Variants in MRPL46 observed in about 807,000 individuals in gnomAD.
MRPL46 encodes the protein mitochondrial ribosomal protein L46.
Under a neutral mutation model 31.0 loss-of-function variants are expected in MRPL46, and 26 were observed. The ratio of observed to expected loss-of-function variants is 0.84; its 90% CI spans 0.61 to 1.16. The LOEUF (loss-of-function observed/expected upper bound fraction) is 1.16, where lower values mean the gene tolerates loss of function less well. MRPL46 is among the 50% of genes most tolerant of loss of function. MRPL46 has a pLI of 0.00. For synonymous variants in MRPL46, 159 were observed against 141.3 expected (o/e 1.13, Z -0.89); for missense variants, 395 against 340.0 (o/e 1.16, Z -1.27).
chr15:88,466,363 C>T (rs2055533211), intron 1 of MRPL46, among the ~76,000 whole-genome samples: 1 of 152,192 alleles, frequency 6.6e-6, no homozygotes. Context: ...CTTAACAACA[C>T]TTATCAGGGT....
intron 3 of MRPL46, 179 bp from the exon 4 acceptor site, chr15:88,460,042 C>T (rs376337863): frequency 5.5e-6 from 4 of 724,730 alleles, no homozygotes; most frequent in East Asian, 2.8e-5. Context: ...ATCCAAATGC[C>T]TCCTGGCCCA....
Position 88,464,607 on chromosome 15 carries a change from C to A in MRPL46, c.589+96G>T, listed in dbSNP as rs1476431521. The A allele has an allele frequency of 1.9e-5, 18 of 953,236 alleles. 1 individual carries two copies. Among genetic ancestry groups the A allele is most frequent in the East Asian group, 8.1e-5 (2 of 24,796 alleles). 59.0% of individuals were successfully genotyped at this position (953,236 alleles called of 1,614,324 possible). On this transcript the variant is annotated intron_variant, in intron 3 of 3. Coordinates refer to ENST00000312475, the MANE Select transcript of MRPL46 (RefSeq NM_022163.4). ...TTCAAAATTTCCATTAACCTTCCCA[C>A]CCCCACCCTTAATCCAATTCCCCAG...
chr15:88,462,481 A>G (rs928508566), intron 3 of MRPL46: 2 of 152,268 alleles, frequency 1.3e-5, no homozygotes, highest in African/African-American at 4.8e-5. Context: ...TCTCACTAGC[A>G]AACAGGAAAA....
rs1278602484 is a variant in MRPL46, at chr15:88,459,873, G to T, written c.590-10C>A. ...GCTTCCATGTTGTTTTCTGAAGAGG[G>T]AGGAAAGAAAAATCACAATTGGAAG... On this transcript the variant is annotated splice_polypyrimidine_tract_variant and intron_variant, in intron 3 of 3. Coordinates refer to ENST00000312475, the MANE Select transcript of MRPL46 (RefSeq NM_022163.4). 1 of 1,613,480 alleles carries T rather than the reference G, an allele frequency of 6.2e-7. No homozygotes were observed. Among genetic ancestry groups the T allele is most frequent in the South Asian group, 1.1e-5 (1 of 91,026 alleles).
chr15:88,460,691 T>C (rs1567039396), intron 3 of MRPL46: 1 of 152,238 alleles, frequency 6.6e-6, no homozygotes, highest in African/African-American at 2.4e-5. Context: ...AATTTATTCA[T>C]TCTGGATGGT....
rs1299082697 is a variant in MRPL46 at position 88,463,572 on chromosome 15, C to CG, written c.589+1130dup. ...GGAATAAGGACACACACCAGTGCTA[C>CG]GGGAGCCTAGAGAGAGGAGTAGCTC... On this transcript the variant is annotated intron_variant, in intron 3 of 3. Transcript: ENST00000312475. The surrounding 1 kb of genome is among the most constrained non-coding windows in gnomAD (Gnocchi z 5.4). 2 of 152,282 alleles carry CG rather than the reference C, an allele frequency of 1.3e-5. No homozygotes were observed. The highest frequency in any genetic ancestry group is 3.9e-4 in the East Asian group (2 of 5,188). The allele number at this position is 152,282 out of a possible 1,614,324, so 9.4% of individuals were successfully genotyped here.
rs760682833 is a variant in MRPL46 at position 88,467,382 on chromosome 15, C to T, written c.-5G>A. The stretch of plus-strand genomic sequence containing the variant: ...CCGCCTTACGGGCGCCGCCATCTTT[C>T]GTTCTCCCACAATGCACCGCGGCTC... On this transcript the variant is annotated 5_prime_UTR_variant, in exon 1 of 4. Coordinates refer to ENST00000312475, the MANE Select transcript of MRPL46 (RefSeq NM_022163.4). The T allele has an allele frequency of 5.8e-6, 9 of 1,561,360 alleles. No homozygotes were observed. In the South Asian group the frequency reaches 8.1e-5, roughly 14 times the overall value.
At position 88,465,715 on chromosome 15, in the gene MRPL46, T is replaced by C; in HGVS notation, c.287A>G (p.Gln96Arg). The change falls in exon 2 of 4, where the codon CAG (glutamine) becomes CGG (arginine). Residue 96 changes from glutamine (Q) to arginine (R), a missense_variant. Gln to Arg is a conservative substitution (Grantham distance 43). Transcript: ENST00000312475. ...DHELRALDEN[Q>R]RLAKKKADLH... ...GTCAGCTTTCTTCTTTGCCAGTCGC[T>C]GGTTTTCATCCAGAGCACGAAGCTC... 1 of 1,613,952 alleles carries C rather than the reference T, an allele frequency of 6.2e-7. No homozygotes were observed. Among genetic ancestry groups the C allele is most frequent in the Non-Finnish European group, 8.5e-7 (1 of 1,180,000 alleles).
At chr15:88,460,637 A>G (rs1388100922) in intron 3 of MRPL46, 1 of 152,236 alleles carries the variant, frequency 6.6e-6, no homozygotes. Context: ...TTGATACCAT[A>G]TAGATCAAAG....
Position 88,463,190 on chromosome 15 carries a change from C to A in MRPL46, c.589+1513G>T, listed in dbSNP as rs2055492605. Reference sequence around the variant, plus strand: ...CTTGATGTCTCTCCTGCAGGCCACACAGGCCCCTTGGGAGAGTCAAGGGAA... The same window carrying A: ...CTTGATGTCTCTCCTGCAGGCCACAAAGGCCCCTTGGGAGAGTCAAGGGAA... On this transcript the variant is annotated intron_variant, in intron 3 of 3. Transcript: ENST00000312475. This position sits in a 1 kb window ranked among gnomAD's most constrained non-coding sequence, Gnocchi z 5.4. 1 of 152,230 alleles carries A rather than the reference C, an allele frequency of 6.6e-6. No individual in the cohort carries two copies. The highest frequency in any genetic ancestry group is 1.5e-5 in the Non-Finnish European group (1 of 68,050). The allele number at this position is 152,230 out of a possible 1,614,324, so 9.4% of individuals were successfully genotyped here. A position where few individuals can be genotyped will look rare whatever the true frequency, so the allele number is the denominator to read the frequency against.
Position 88,467,254 on chromosome 15 carries a change from C to A in MRPL46, c.124G>T (p.Gly42Ter). Residue 42 changes from glycine (G) to a stop codon, truncating the protein, a stop_gained, in exon 1 of 4, where the codon GGA becomes TGA. Transcript: ENST00000312475. LOFTEE classifies it high-confidence loss of function. ...LALAAAPSSN[G>*]SPWRLLGALC... Reference sequence around the variant, plus strand: ...GCGCCCAACAAGCGCCATGGGGATCCGTTGCTTGAGGGTGCGGCTGCAAGA... The same window carrying A: ...GCGCCCAACAAGCGCCATGGGGATCAGTTGCTTGAGGGTGCGGCTGCAAGA... 1 of 1,614,074 alleles carries A rather than the reference C, an allele frequency of 6.2e-7. No homozygotes were observed. The highest frequency in any genetic ancestry group is 8.5e-7 in the Non-Finnish European group (1 of 1,179,992).
At chr15:88,461,662 G>A (rs2055478564) in intron 3 of MRPL46, 1 of 152,206 alleles carries the variant, frequency 6.6e-6, no homozygotes, top group Admixed American at 6.5e-5. Flanking sequence ...TAGTATAAGT[G>A]CTATTAATTG....
intron 1 of MRPL46, 75 bp downstream of exon 1, chr15:88,467,075 G>C: frequency 6.6e-7 from 1 of 1,517,522 alleles, no homozygotes. Flanking sequence ...GTATACTTAA[G>C]TTCAGAGAGG....
chr15:88,465,744 G>C lies in MRPL46; in HGVS notation c.258C>G (p.Asp86Glu). ...TTTCATCCAGAGCACGAAGCTCGTG[G>C]TCTGAATACAGGCTTCTCTCTATCT... ...QIEIERSLYSDHELRALDENQ... is the reference protein window; with the variant it reads ...QIEIERSLYSEHELRALDENQ... Residue 86 changes from aspartate to glutamate, a missense_variant, in exon 2 of 4, where the codon GAC becomes GAG. Physicochemically the swap from Asp to Glu is conservative, Grantham distance 45 (BLOSUM62 2). Transcript: ENST00000312475. 6.2e-7 allele frequency: 1 copy of C among 1,611,904 alleles called. No individual in the cohort carries two copies. The highest frequency in any genetic ancestry group is 8.5e-7 in the Non-Finnish European group (1 of 1,179,602).
At position 88,465,605 on chromosome 15, in the gene MRPL46, G is replaced by A; in HGVS notation, c.397C>T (p.Leu133Phe). 6.2e-7 allele frequency: 1 copy of A among 1,610,106 alleles called. No individual in the cohort carries two copies. Among genetic ancestry groups the A allele is most frequent in the African/African-American group, 1.3e-5 (1 of 74,698 alleles). ...TCACAACCTGTTATGCGAGCTCCAA[G>A]TTTGAACTGTAGAAATTTCTGCTCC... Reference protein sequence around the residue: ...MWEQKFLQFKLGARITEADEK... With the variant: ...MWEQKFLQFKFGARITEADEK... The change falls in exon 2 of 4, where the codon CTT becomes TTT. Residue 133 changes from leucine (L) to phenylalanine (F), a missense_variant. Leu to Phe is a conservative substitution (Grantham distance 22). Coordinates refer to ENST00000312475, the MANE Select transcript of MRPL46 (RefSeq NM_022163.4).
chr15:88,459,895 G>C (rs1234203674), intron 3 of MRPL46, 32 bp from the exon 4 acceptor site: 5 of 1,612,722 alleles, frequency 3.1e-6, no homozygotes, highest in Non-Finnish European at 4.2e-6. Flanking sequence ...ATCACAATTG[G>C]AAGGTAAGGA....
At position 88,467,230 on chromosome 15, in the gene MRPL46, C is replaced by T. The variant is rs2055551940; in HGVS notation, c.148G>A (p.Ala50Thr). 2 of 1,614,134 alleles carry T rather than the reference C, an allele frequency of 1.2e-6. No homozygotes were observed. Among genetic ancestry groups the T allele is most frequent in the Non-Finnish European group, 1.7e-6 (2 of 1,180,020 alleles). ...SNGSPWRLLGALCLQRPPVVS... is the reference protein window; with the variant it reads ...SNGSPWRLLGTLCLQRPPVVS... ...ACAGGTGGCCGCTGCAGGCACAACG[C>T]GCCCAACAAGCGCCATGGGGATCCG... Residue 50 changes from alanine to threonine, a missense_variant, in exon 1 of 4, where the codon GCG becomes ACG. Transcript: ENST00000312475.
intron 3 of MRPL46, 81 bp from the exon 4 acceptor site, chr15:88,459,944 G>A: frequency 6.5e-6 from 10 of 1,545,184 alleles, no homozygotes; most frequent in Non-Finnish European, 7.9e-6. Flanking sequence ...AAATTATAGG[G>A]GGTCCCTGCA....
chr15:88,462,760 T>C (rs2055489070), intron 3 of MRPL46: 1 of 152,246 alleles, frequency 6.6e-6, no homozygotes, highest in Non-Finnish European at 1.5e-5. Flanking sequence ...AGGAGCGCAC[T>C]TTCACTTTTT....
Sources: allele counts gnomAD v4.1 joint callset (sites outside exome capture counted in the v4.1 genomes callset), GRCh38; gene constraint gnomAD v4.1.1; non-coding constraint Gnocchi (gnomAD v3.1); transcripts MANE v1.5; gene names NCBI Gene and HGNC (gene_info 2026-07-23, HGNC 2026-07-21).